The following EQTN variants were observed in gnomAD, a reference collection of about 807,000 sequenced individuals.
EQTN encodes the protein Acrosome formation associated factor.
Under a neutral mutation model 26.9 loss-of-function variants are expected in EQTN, and 29 were observed. The ratio of observed to expected loss-of-function variants is 1.08; its 90% CI spans 0.80 to 1.47. The LOEUF (loss-of-function observed/expected upper bound fraction) is 1.47. Ranked by LOEUF, EQTN falls within the 40% of genes most tolerant of loss-of-function variation. The probability of loss-of-function intolerance (pLI) is 0.00; values close to 1 mark genes in which losing one functional copy is unlikely to be tolerated. For synonymous variants in EQTN, 129 were observed against 120.0 expected, an observed-to-expected ratio of 1.07 and a Z score of -0.49; for missense variants, 391 against 346.1, an observed-to-expected ratio of 1.13 and a Z score of -1.03.
intron 2 of EQTN, among the ~76,000 whole-genome samples, chr9:27,295,137 G>A (rs1041083830): frequency 3.3e-5 from 5 of 152,176 alleles, no homozygotes; most frequent in Non-Finnish European, 5.9e-5. Context: ...TGAGAAGAAT[G>A]TACATGGGAA....
Position 27,296,933 on chromosome 9 carries a change from A to C in EQTN, c.76+47T>G, listed in dbSNP as rs1400658405. The C allele has an allele frequency of 1.9e-6, 3 of 1,597,586 alleles. No individual in the cohort carries two copies. The African/African-American group carries it at 4.1e-5, about 22-fold the overall frequency. On this transcript the variant is annotated intron_variant, in intron 1 of 7. Transcript: ENST00000380032. ...TACCAATTTTTCATGATTATGGGTC[A>C]TCCTTCTTACCTACTATTTTTATAA...
rs1484735468 is a variant in EQTN at position 27,285,803 on chromosome 9, G to A, written c.635+406C>T. On this transcript the variant is annotated intron_variant, in intron 7 of 7. Coordinates refer to ENST00000380032, the MANE Select transcript of EQTN (RefSeq NM_020641.3). ...GAATTTAATATTTTTATAAGAAAGA[G>A]CCTCTGGACAGGTCTCACAATGTAA... Among the ~76,000 whole-genome samples the A allele has an allele frequency of 4.6e-5, 7 of 152,124 alleles. No individual in the cohort carries two copies. In the East Asian group the frequency reaches 1.2e-3, roughly 25 times the overall value.
At chr9:27,290,423 A>T (rs932656085) in intron 5 of EQTN, among the ~76,000 whole-genome samples, 1 of 152,244 alleles carries the variant, frequency 6.6e-6, no homozygotes, top group Non-Finnish European at 1.5e-5. Context: ...GGTGACAAAG[A>T]AATATTAATG....
Position 27,286,276 on chromosome 9 carries a change from T to A in EQTN, c.568A>T (p.Thr190Ser), listed in dbSNP as rs764703741. Residue 190 changes from threonine (T) to serine (S), a missense_variant, in exon 7 of 8, where the codon ACC (threonine) becomes TCC (serine). Coordinates refer to ENST00000380032, the MANE Select transcript of EQTN (RefSeq NM_020641.3). ...AAGAGGACCACAAAGAGGAGGAGGG[T>A]CATCAACGAGATTCCCAGCATTATT... ...IKIMLGISLM[T>S]LLLFVVLLAF... The A allele has an allele frequency of 9.3e-6, 15 of 1,612,858 alleles. No homozygotes were observed. The highest frequency in any genetic ancestry group is 1.3e-5 in the Non-Finnish European group (15 of 1,179,512).
chr9:27,289,643 C>T (rs765342479), intron 6 of EQTN, 29 bp downstream of exon 6: 4 of 1,577,558 alleles, frequency 2.5e-6, no homozygotes, highest in Admixed American at 3.5e-5. Context: ...AGCCACTGCA[C>T]CCAGTCAATT....
At chr9:27,289,581 C>G (rs143185462) in intron 6 of EQTN, 91 bp downstream of exon 6, 1 of 1,067,960 alleles carries the variant, frequency 9.4e-7, no homozygotes, top group Non-Finnish European at 1.4e-6. Flanking sequence ...AACTCCTGGA[C>G]TCAAGCGATC....
chr9:27,286,141 A>AGG, intron 7 of EQTN, 68 bp downstream of exon 7: 1 of 1,472,276 alleles, frequency 6.8e-7, no homozygotes, highest in South Asian at 1.2e-5. Context: ...AGAATCTACT[A>AGG]AAGAGAGGAG....
Position 27,286,202 on chromosome 9 carries a change from G to T in EQTN, c.635+7C>A. The T allele has an allele frequency of 1.2e-6, 2 of 1,613,510 alleles. No homozygotes were observed. The highest frequency in any genetic ancestry group is 1.3e-5 in the African/African-American group (1 of 75,046). Reference sequence around the variant, plus strand: ...GTTGTAAAGACTGCAGAGGTCTGCAGACTTACCTCAGATGCCTCAGTTTGT... The same window carrying T: ...GTTGTAAAGACTGCAGAGGTCTGCATACTTACCTCAGATGCCTCAGTTTGT... On this transcript the variant is annotated splice_region_variant and intron_variant, in intron 7 of 7. Coordinates refer to ENST00000380032, the MANE Select transcript of EQTN (RefSeq NM_020641.3).
intron 7 of EQTN, among the ~76,000 whole-genome samples, chr9:27,285,893 C>T (rs1021399018): frequency 1.3e-5 from 2 of 152,120 alleles, no homozygotes; most frequent in Non-Finnish European, 2.9e-5. Context: ...ACATTAGATG[C>T]TAAGCAGATA....
chr9:27,294,937 C>G (rs1820306759), intron 2 of EQTN, among the ~76,000 whole-genome samples: 5 of 152,070 alleles, frequency 3.3e-5, no homozygotes, highest in Admixed American at 3.3e-4. Context: ...TGTATATATT[C>G]CCCCCGCCAA....
chr9:27,288,864 C>A (rs1820171701), intron 6 of EQTN, among the ~76,000 whole-genome samples: 1 of 152,132 alleles, frequency 6.6e-6, no homozygotes, highest in African/African-American at 2.4e-5. Context: ...GAGAGAGGAA[C>A]AAAGGGATGA....
Position 27,296,739 on chromosome 9 carries a change from C to A in EQTN, c.77-1G>T, listed in dbSNP as rs931385923. The A allele has an allele frequency of 6.3e-7, 1 of 1,599,744 alleles. No homozygotes were observed. Among genetic ancestry groups the A allele is most frequent in the African/African-American group, 1.4e-5 (1 of 73,838 alleles). On this transcript the variant is annotated splice_acceptor_variant, in intron 1 of 7. Coordinates refer to ENST00000380032, the MANE Select transcript of EQTN (RefSeq NM_020641.3). LOFTEE classifies it high-confidence loss of function. The stretch of plus-strand genomic sequence containing the variant: ...TTTAAAGGTAGCACATTAGGCAATG[C>A]TAAAAAAAAGTATCACACACCATAG...
intron 2 of EQTN, among the ~76,000 whole-genome samples, chr9:27,295,256 A>C (rs1436302077): frequency 1.3e-5 from 2 of 152,186 alleles, no homozygotes; most frequent in African/African-American, 2.4e-5. Flanking sequence ...AATTCCTGAG[A>C]CAGAGCTATG....
At chr9:27,286,634 A>G (rs1159351793) in intron 6 of EQTN, among the ~76,000 whole-genome samples, 4 of 152,330 alleles carry the variant, frequency 2.6e-5, no homozygotes, top group African/African-American at 9.6e-5. Context: ...TGCGCATAGC[A>G]CATAGTAAGT....
chr9:27,293,125 CG>C (rs1820270477), intron 3 of EQTN, among the ~76,000 whole-genome samples: 1 of 152,042 alleles, frequency 6.6e-6, no homozygotes, highest in Admixed American at 6.6e-5. Flanking sequence ...AAGTTCCATA[CG>C]GAGTACAGGG....
chr9:27,286,139 C>A (rs1269973459), intron 7 of EQTN, 70 bp downstream of exon 7: 1 of 1,463,986 alleles, frequency 6.8e-7, no homozygotes, highest in Non-Finnish European at 9.4e-7. Flanking sequence ...TAAGAATCTA[C>A]TAAAGAGAGG....
chr9:27,291,090 A>G lies in EQTN; in HGVS notation c.377-27T>C, dbSNP rs533882869. 174 of 1,578,826 alleles carry G rather than the reference A, an allele frequency of 1.1e-4. 2 individuals carry two copies. In the South Asian group the frequency reaches 1.9e-3, roughly 18 times the overall value. ...TGTTAAAACAAAACAAAACACAACA[A>G]GAACAACAAGAAAACAACAGGATAA... On this transcript the variant is annotated intron_variant, in intron 4 of 7. Transcript: ENST00000380032.
chr9:27,284,708 G>T lies in EQTN; in HGVS notation c.*15C>A. 6.2e-7 allele frequency: 1 copy of T among 1,602,518 alleles called. No homozygotes were observed. The highest frequency in any genetic ancestry group is 8.5e-7 in the Non-Finnish European group (1 of 1,174,576). On this transcript the variant is annotated 3_prime_UTR_variant, in exon 8 of 8. Coordinates refer to ENST00000380032, the MANE Select transcript of EQTN (RefSeq NM_020641.3). ...ATTCATCAATAAGATTTCTTCACCGGGTTCCTTGATTTCTTCACCGGGTAA... is the reference window on the plus strand; with the variant it reads ...ATTCATCAATAAGATTTCTTCACCGTGTTCCTTGATTTCTTCACCGGGTAA...
intron 7 of EQTN, among the ~76,000 whole-genome samples, chr9:27,285,577 G>T (rs566085026): frequency 2.0e-5 from 3 of 152,160 alleles, no homozygotes; most frequent in Non-Finnish European, 4.4e-5. Context: ...CATGTACAAT[G>T]AAATTGAATG....
Sources: gnomAD v4.1 joint callset for allele counts (sites outside exome capture counted in the v4.1 genomes callset) on GRCh38, gnomAD v4.1.1 for gene constraint, MANE v1.5 for transcripts, NCBI Gene and HGNC (gene_info 2026-07-23, HGNC 2026-07-21) for gene names.